Variants in RTL4 observed in about 807,000 individuals in gnomAD.
RTL4 encodes retrotransposon Gag-like protein 4.
RTL4 carries 4 observed loss-of-function variants against 5.3 expected under a neutral mutation model. That is an observed-to-expected ratio of 0.75 (90% confidence interval 0.37 to 1.72). The LOEUF (loss-of-function observed/expected upper bound fraction) is 1.72. Ranked by LOEUF, RTL4 falls within the 40% of genes most tolerant of loss-of-function variation. RTL4 has a pLI of 0.04. For synonymous variants in RTL4, 98 were observed against 87.3 expected (o/e 1.12, Z -0.68); for missense variants, 260 against 227.1 (o/e 1.14, Z -0.93).
chrX:112,345,312 CAGTTCCCGGACTATATAG>C, the RTL4 span, among the ~76,000 whole-genome samples: 1 of 111,175 alleles, frequency 9.0e-6, no homozygotes, highest in Admixed American at 9.6e-5. Context: ...CCCTTGAGTT[CAGTTCCCGGACTATATAG>C]AGTTCTTACT....
chrX:112,173,823 G>A, the RTL4 span, among the ~76,000 whole-genome samples: 17 of 110,838 alleles, frequency 1.5e-4, no homozygotes, highest in East Asian at 2.9e-3. Context: ...TTGAGTGCAT[G>A]TGTTTTCTTT....
the RTL4 span, among the ~76,000 whole-genome samples, chrX:112,191,179 A>G: frequency 9.0e-6 from 1 of 111,530 alleles, no homozygotes; most frequent in Non-Finnish European, 1.9e-5. Context: ...CCTTATAACC[A>G]TTGCTTCTTC....
At chrX:112,098,305 C>G in the RTL4 span, among the ~76,000 whole-genome samples, 1 of 110,846 alleles carries the variant, frequency 9.0e-6, no homozygotes, top group African/African-American at 3.3e-5. Context: ...TTTTTTATGG[C>G]TGCATAGTAT....
At chrX:112,187,945 T>A in the RTL4 span, among the ~76,000 whole-genome samples, 5 of 111,875 alleles carry the variant, frequency 4.5e-5, no homozygotes, top group East Asian at 1.4e-3. Context: ...TATTTAGGAA[T>A]GTCTTTACTG....
chrX:112,385,221 A>AT, the RTL4 span, among the ~76,000 whole-genome samples: 7 of 109,342 alleles, frequency 6.4e-5, no homozygotes, highest in Middle Eastern at 4.7e-3. Context: ...CTGGTCTATA[A>AT]TTTTTTTTTC....
At chrX:112,197,118 A>G in the RTL4 span, among the ~76,000 whole-genome samples, 1 of 102,720 alleles carries the variant, frequency 9.7e-6, no homozygotes, top group Non-Finnish European at 2.0e-5. Context: ...TAGCAAGAAT[A>G]CAAATAATCC....
the RTL4 span, among the ~76,000 whole-genome samples, chrX:112,291,367 T>TACACACACAC: frequency 6.3e-5 from 6 of 95,387 alleles, no homozygotes; most frequent in Admixed American, 1.2e-4. Context: ...TGTATGTTTG[T>TACACACACAC]ACACACACAC....
the RTL4 span, among the ~76,000 whole-genome samples, chrX:112,200,862 C>T: frequency 9.0e-6 from 1 of 111,256 alleles, no homozygotes; most frequent in African/African-American, 3.3e-5. Context: ...TTGTCAGGGG[C>T]AGGATAGAAA....
At chrX:112,115,802 C>G in the RTL4 span, among the ~76,000 whole-genome samples, 1 of 112,124 alleles carries the variant, frequency 8.9e-6, no homozygotes. Flanking sequence ...AGAAGCGGGA[C>G]TAGCCTCGGA....
the RTL4 span, among the ~76,000 whole-genome samples, chrX:112,442,472 C>G: frequency 3.6e-5 from 4 of 109,792 alleles, no homozygotes; most frequent in African/African-American, 1.3e-4. Flanking sequence ...TGGTCTCCAA[C>G]TCCTGGTCTC....
chrX:112,312,574 A>G, the RTL4 span, among the ~76,000 whole-genome samples: 1 of 111,559 alleles, frequency 9.0e-6, no homozygotes, highest in African/African-American at 3.3e-5. Context: ...TAACTTAAAT[A>G]AAGCCCAGTT....
chrX:112,406,010 C>T, the RTL4 span, among the ~76,000 whole-genome samples: 1 of 110,817 alleles, frequency 9.0e-6, no homozygotes, highest in Non-Finnish European at 1.9e-5. Context: ...GCTGACCCTC[C>T]ATGTGGAGGG....
chrX:112,425,008 A>G, the RTL4 span, among the ~76,000 whole-genome samples: 2 of 111,278 alleles, frequency 1.8e-5, no homozygotes, highest in Non-Finnish European at 3.8e-5. Context: ...TGATAAATGT[A>G]TAATAGCATG....
chrX:112,114,286 G>A, the RTL4 span, among the ~76,000 whole-genome samples: 27 of 111,583 alleles, frequency 2.4e-4, no homozygotes, highest in Middle Eastern at 4.7e-3. Flanking sequence ...GGTCCCAGTG[G>A]GGATCCATAC....
the RTL4 span, among the ~76,000 whole-genome samples, chrX:112,158,568 C>G: frequency 1.8e-5 from 2 of 109,646 alleles, no homozygotes; most frequent in African/African-American, 6.6e-5. Context: ...ACAGGATTGG[C>G]TTGTATATAA....
chrX:112,328,038 G>A, the RTL4 span, among the ~76,000 whole-genome samples: 1 of 108,182 alleles, frequency 9.2e-6, no homozygotes, highest in Non-Finnish European at 1.9e-5. Flanking sequence ...ACCGGTACCA[G>A]CTGCTGCAAA....
chrX:112,109,047 G>T, the RTL4 span, among the ~76,000 whole-genome samples: 2 of 111,110 alleles, frequency 1.8e-5, no homozygotes, highest in Non-Finnish European at 3.8e-5. Flanking sequence ...TTGAGGGAGG[G>T]GTGATGTAGG....
the RTL4 span, among the ~76,000 whole-genome samples, chrX:112,186,956 G>A: frequency 8.9e-6 from 1 of 111,916 alleles, no homozygotes; most frequent in Non-Finnish European, 1.9e-5. Context: ...GTGAATGAGA[G>A]GAGAGAGAAG....
the RTL4 span, among the ~76,000 whole-genome samples, chrX:112,351,149 T>A: frequency 9.0e-6 from 1 of 111,345 alleles, no homozygotes; most frequent in African/African-American, 3.3e-5. Context: ...AGGAGCAGGT[T>A]GTTCAGTTTC....
Sources: gnomAD v4.1 joint callset for allele counts (sites outside exome capture counted in the v4.1 genomes callset) on GRCh38, gnomAD v4.1.1 for gene constraint, MANE v1.5 for transcripts, NCBI Gene and HGNC (gene_info 2026-07-23, HGNC 2026-07-21) for gene names.